CYP4Z1: variants seen among roughly 807,000 people sequenced by gnomAD.
CYP4Z1 encodes cytochrome P450 family 4 subfamily Z member 1.
A neutral mutation model predicts 54.2 loss-of-function variants in CYP4Z1; 41 were observed. That is an observed-to-expected ratio of 0.76 (90% confidence interval 0.59 to 0.98). CYP4Z1 has a LOEUF of 0.98. CYP4Z1 is among the 50% of genes least tolerant of loss of function. The probability of loss-of-function intolerance (pLI) is 0.00; values close to 1 mark genes in which losing one functional copy is unlikely to be tolerated. For missense variants in CYP4Z1, 513 were observed against 599.0 expected (o/e 0.86, Z 1.50); for synonymous variants, 163 against 206.2 (o/e 0.79, Z 1.79).
At chr1:47,076,348 T>C (rs1197708604) in intron 2 of CYP4Z1, among the ~76,000 whole-genome samples, 1 of 151,282 alleles carries the variant, frequency 6.6e-6, no homozygotes. Context: ...TTTGCCCTTC[T>C]TTTTCCAGTT....
At chr1:47,065,511 A>T (rs1287123708), upstream of CYP4Z1, among the ~76,000 whole-genome samples, 1 of 152,156 alleles carries the variant, frequency 6.6e-6, no homozygotes. Context: ...ACCTATCAAA[A>T]ACCCTAAGAT....
At chr1:47,069,502 G>C (rs990186883) in intron 2 of CYP4Z1, among the ~76,000 whole-genome samples, 1 of 151,636 alleles carries the variant, frequency 6.6e-6, no homozygotes, top group Non-Finnish European at 1.5e-5. Flanking sequence ...CTTTCTTCCT[G>C]GTAATGGTGC....
the CYP4Z1 span, among the ~76,000 whole-genome samples, chr1:47,056,707 T>C: frequency 6.6e-6 from 1 of 152,174 alleles, no homozygotes; most frequent in African/African-American, 2.4e-5. Flanking sequence ...TTTTTGTTGG[T>C]TTAAAGTCTG....
chr1:47,088,745 C>G (rs928702145), intron 6 of CYP4Z1, among the ~76,000 whole-genome samples: 9 of 137,710 alleles, frequency 6.5e-5, no homozygotes, highest in Admixed American at 1.5e-4. Context: ...GCCCCCCAAG[C>G]AGCTGGGACT....
the CYP4Z1 span, among the ~76,000 whole-genome samples, chr1:47,057,335 A>AAAAAAAAAAATATAT: frequency 3.1e-3 from 88 of 28,368 alleles, 1 homozygote; most frequent in East Asian, 6.9e-3. Context: ...AAGAAAAAAA[A>AAAAAAAAAAATATAT]ATATATATAT....
chr1:47,087,897 A>T (rs1303723061), intron 6 of CYP4Z1, among the ~76,000 whole-genome samples: 1 of 152,180 alleles, frequency 6.6e-6, no homozygotes, highest in Non-Finnish European at 1.5e-5. Context: ...GAGAGATTTT[A>T]GCATGAAGGG....
intron 2 of CYP4Z1, among the ~76,000 whole-genome samples, chr1:47,074,139 GTTTA>G (rs1236069751): frequency 6.6e-6 from 1 of 152,132 alleles, no homozygotes; most frequent in East Asian, 1.9e-4. Flanking sequence ...AGGGGCATTT[GTTTA>G]TTTATTTATT....
At chr1:47,064,145 C>T (rs894115339), upstream of CYP4Z1, among the ~76,000 whole-genome samples, 6 of 147,396 alleles carry the variant, frequency 4.1e-5, no homozygotes, top group East Asian at 2.0e-4. Context: ...TGCAGTGGCG[C>T]GATCCCAGCT....
upstream of CYP4Z1, among the ~76,000 whole-genome samples, chr1:47,064,695 A>AT (rs1353229489): frequency 6.6e-6 from 1 of 152,218 alleles, no homozygotes; most frequent in African/African-American, 2.4e-5. Flanking sequence ...AGTACCTCAC[A>AT]TATCAATACT....
chr1:47,063,775 T>C (rs1158296408), upstream of CYP4Z1, among the ~76,000 whole-genome samples: 3 of 152,232 alleles, frequency 2.0e-5, no homozygotes, highest in East Asian at 5.8e-4. Context: ...ATAATTGGTG[T>C]TCCCAAGGAA....
Position 47,117,787 on chromosome 1 carries a change from T to C in CYP4Z1, c.1371T>C (p.Phe457=), listed in dbSNP as rs755992610. Residue 457 remains phenylalanine, a synonymous_variant, in exon 12 of 12, where the codon TTT becomes TTC. Transcript: ENST00000334194. ...AGLRNCIGQH[F]AIIECKVAVA... ...CCAGGAACTGCATTGGGCAGCATTT[T>C]GCCATAATTGAGTGTAAAGTGGCAG... is the stretch of plus-strand genomic sequence containing the variant. The C allele has an allele frequency of 6.2e-7, 1 of 1,613,288 alleles. No homozygotes were observed. The highest frequency in any genetic ancestry group is 1.3e-5 in the African/African-American group (1 of 74,912).
rs138922209 is a variant in CYP4Z1, at chr1:47,102,752, C to T, written c.1068-3376C>T. ...GACACTGTTCTCTTGTTGTTTTTAGCATTTTCTCTTCATCTTTGACTTTTG... is the reference window on the plus strand; with the variant it reads ...GACACTGTTCTCTTGTTGTTTTTAGTATTTTCTCTTCATCTTTGACTTTTG... On this transcript the variant is annotated intron_variant, in intron 8 of 11. Coordinates refer to ENST00000334194, the MANE Select transcript of CYP4Z1 (RefSeq NM_178134.3). Among the ~76,000 whole-genome samples, 1,344 of 152,246 alleles carry T rather than the reference C, an allele frequency of 8.8e-3. 11 individuals carry two copies. Among genetic ancestry groups the T allele is most frequent in the South Asian group, 0.051 (247 of 4,824 alleles).
chr1:47,081,943 G>A (rs1391711092), intron 3 of CYP4Z1, among the ~76,000 whole-genome samples: 1 of 148,780 alleles, frequency 6.7e-6, no homozygotes, highest in South Asian at 2.2e-4. Context: ...TGAACTAGCT[G>A]GGACCCTTGT....
chr1:47,058,051 CA>C, the CYP4Z1 span, among the ~76,000 whole-genome samples: 5 of 151,604 alleles, frequency 3.3e-5, no homozygotes, highest in Non-Finnish European at 5.9e-5. Context: ...AACTATTTAT[CA>C]AAAAAAACTT....
intron 9 of CYP4Z1, among the ~76,000 whole-genome samples, chr1:47,107,403 A>G (rs1251867177): frequency 5.3e-5 from 8 of 152,088 alleles, no homozygotes. Context: ...GATCTTTGCT[A>G]TCATGGGGAT....
At chr1:47,101,518 A>C (rs1164169648) in intron 8 of CYP4Z1, among the ~76,000 whole-genome samples, 1 of 152,120 alleles carries the variant, frequency 6.6e-6, no homozygotes, top group African/African-American at 2.4e-5. Flanking sequence ...ATTGTTGTTC[A>C]GGAGAATGTT....
Position 47,083,605 on chromosome 1 carries a change from G to T in CYP4Z1, c.493-1015G>T, listed in dbSNP as rs1644570822. Reference sequence around the variant, plus strand: ...GAGCCCAGGAGTTCAAGACCAGCCTGGCCAACATGGCCAAACCCCATCTCT... The same window carrying T: ...GAGCCCAGGAGTTCAAGACCAGCCTTGCCAACATGGCCAAACCCCATCTCT... On this transcript the variant is annotated intron_variant, in intron 4 of 11. Coordinates refer to ENST00000334194, the MANE Select transcript of CYP4Z1 (RefSeq NM_178134.3). Among the ~76,000 whole-genome samples the T allele has an allele frequency of 2.6e-5, 4 of 152,170 alleles. No homozygotes were observed. The South Asian group carries it at 8.3e-4, about 32-fold the overall frequency.
chr1:47,100,993 A>C (rs1233771305), intron 8 of CYP4Z1, among the ~76,000 whole-genome samples: 1 of 152,150 alleles, frequency 6.6e-6, no homozygotes, highest in African/African-American at 2.4e-5. Context: ...GGTAGGTTGA[A>C]CGTTTCCAGG....
intron 4 of CYP4Z1, among the ~76,000 whole-genome samples, chr1:47,083,773 G>A (rs983298988): frequency 1.3e-5 from 2 of 151,996 alleles, no homozygotes; most frequent in African/African-American, 4.8e-5. Context: ...CCTTCAGCCT[G>A]CTCCAACCAC....
Sources: allele counts gnomAD v4.1 joint callset (sites outside exome capture counted in the v4.1 genomes callset), GRCh38; gene constraint gnomAD v4.1.1; transcripts MANE v1.5; gene names NCBI Gene and HGNC (gene_info 2026-07-23, HGNC 2026-07-21).